Variants in TLK2 observed in about 807,000 individuals in gnomAD.
The protein encoded by TLK2 is tousled like kinase 2.
TLK2 carries 6 observed loss-of-function variants against 117.3 expected under a neutral mutation model. The observed-to-expected ratio is 0.05, with a 90% CI of 0.03 to 0.10. TLK2 has a LOEUF of 0.10. TLK2 is among the 10% of genes least tolerant of loss of function. The pLI, the probability that TLK2 is intolerant of heterozygous loss-of-function variation, is 1.00. For synonymous variants in TLK2, 257 were observed against 316.7 expected (o/e 0.81, Z 2.00); for missense variants, 299 against 901.2 (o/e 0.33, Z 8.56).
At chr17:62,477,325 C>T (rs2071082205), upstream of TLK2, among the ~76,000 whole-genome samples, 1 of 152,142 alleles carries the variant, frequency 6.6e-6, no homozygotes, top group South Asian at 2.1e-4. Context: ...CTTCTTCCAA[C>T]ACTGTTCTCT....
At chr17:62,558,324 G>C (rs1467507899) in intron 9 of TLK2, among the ~76,000 whole-genome samples, 2 of 152,010 alleles carry the variant, frequency 1.3e-5, no homozygotes, top group Admixed American at 6.6e-5. Context: ...CACCACACAT[G>C]GCTAATTTTC....
chr17:62,487,572 T>A (rs186495125), intron 2 of TLK2, among the ~76,000 whole-genome samples: 6 of 150,260 alleles, frequency 4.0e-5, no homozygotes, highest in African/African-American at 1.5e-4. Context: ...AAATTTATGA[T>A]ATTCTTTTAA....
chr17:62,521,762 A>G (rs973430282), intron 3 of TLK2, among the ~76,000 whole-genome samples: 1 of 152,038 alleles, frequency 6.6e-6, no homozygotes, highest in African/African-American at 2.4e-5. Flanking sequence ...CATATAACCT[A>G]GCTGCCTGTA....
chr17:62,536,782 A>G (rs1341408391), intron 7 of TLK2, among the ~76,000 whole-genome samples: 1 of 152,182 alleles, frequency 6.6e-6, no homozygotes, highest in East Asian at 1.9e-4. Flanking sequence ...TACCCCGTGT[A>G]GTATTTGGGC....
At chr17:62,493,555 C>T (rs1345720517) in intron 2 of TLK2, among the ~76,000 whole-genome samples, 1 of 152,184 alleles carries the variant, frequency 6.6e-6, no homozygotes, top group African/African-American at 2.4e-5. Flanking sequence ...TTGTTGACCT[C>T]CTCTCAGGCC....
intron 7 of TLK2, among the ~76,000 whole-genome samples, chr17:62,542,057 G>C (rs953098899): frequency 6.6e-6 from 1 of 152,158 alleles, no homozygotes; most frequent in Admixed American, 6.5e-5. Context: ...ATTAGAAAAA[G>C]GTCATTTCCT....
At chr17:62,540,417 T>TTTTTTTTTTTTTTTTTTTTTC (rs2077446181) in intron 7 of TLK2, among the ~76,000 whole-genome samples, 1 of 109,614 alleles carries the variant, frequency 9.1e-6, no homozygotes, top group Non-Finnish European at 1.9e-5. Flanking sequence ...TTTTTTTTTT[T>TTTTTTTTTTTTTTTTTTTTTC]TTTTTTGAGA....
At chr17:62,493,524 A>G (rs2073329247) in intron 2 of TLK2, among the ~76,000 whole-genome samples, 1 of 152,178 alleles carries the variant, frequency 6.6e-6, no homozygotes, top group Non-Finnish European at 1.5e-5. Context: ...GAATTGTTGG[A>G]TCATATTAAA....
At chr17:62,494,109 A>C (rs1035511350) in intron 2 of TLK2, among the ~76,000 whole-genome samples, 3 of 152,072 alleles carry the variant, frequency 2.0e-5, no homozygotes, top group Admixed American at 6.6e-5. Flanking sequence ...TTTGAGACAG[A>C]GTCTCACTCT....
intron 19 of TLK2, among the ~76,000 whole-genome samples, chr17:62,605,003 C>T (rs956977168): frequency 6.6e-6 from 1 of 151,812 alleles, no homozygotes; most frequent in African/African-American, 2.4e-5. Flanking sequence ...TTATACTTAT[C>T]CAAGATCATA....
In TLK2 at chr17:62,545,692, CTTGTTG is replaced by C. The variant is rs201939423; in HGVS notation, c.532-6592_532-6587del. 2.2e-4 allele frequency among the ~76,000 whole-genome samples: 33 copies of C among 152,032 alleles called. 1 individual carries two copies. The highest frequency in any genetic ancestry group is 9.7e-4 in the East Asian group (5 of 5,164). On this transcript the variant is annotated intron_variant, in intron 7 of 21. Transcript: ENST00000346027. ...CATTTTTTAGGTTAACAAAGTTCCTCTTGTTGTTGTTGTTGTTGTTGTTTAAAGACA... is the reference window on the plus strand; with the variant it reads ...CATTTTTTAGGTTAACAAAGTTCCTCTTGTTGTTGTTGTTGTTTAAAGACA...
chr17:62,565,516 G>A lies in TLK2; in HGVS notation c.968+379G>A, dbSNP rs139732561. On this transcript the variant is annotated intron_variant, in intron 11 of 21. Coordinates refer to ENST00000346027, the MANE Select transcript of TLK2 (RefSeq NM_006852.6). ...AGAAATACAAAAATTAGCCAGGCGT[G>A]GTGGCAGGCGCCTGTAATCCCAGCT... Among the ~76,000 whole-genome samples the A allele has an allele frequency of 8.3e-3, 1,264 of 152,132 alleles. 12 individuals carry two copies. Among genetic ancestry groups the A allele is most frequent in the African/African-American group, 0.028 (1,162 of 41,516 alleles).
Position 62,493,198 on chromosome 17 carries a change from T to C in TLK2, c.81+11992T>C, listed in dbSNP as rs1174023093. ...TCTCTGTGAATTTGACTACTCTAGG[T>C]ACTAATGTGAATGAAATCATAGCAG... is the stretch of plus-strand genomic sequence containing the variant. On this transcript the variant is annotated intron_variant, in intron 2 of 21. Transcript: ENST00000346027. 2.0e-5 allele frequency among the ~76,000 whole-genome samples: 3 copies of C among 152,242 alleles called. No individual in the cohort carries two copies. In the East Asian group the frequency reaches 5.8e-4, roughly 29 times the overall value.
At chr17:62,519,970 TCA>T (rs1224212352) in intron 2 of TLK2, among the ~76,000 whole-genome samples, 1 of 152,222 alleles carries the variant, frequency 6.6e-6, no homozygotes, top group Non-Finnish European at 1.5e-5. Flanking sequence ...CTGAAACTTG[TCA>T]CACTCTTGCA....
rs1453559328 is a variant in TLK2, at chr17:62,606,110, A to G, written c.1860-20A>G. On this transcript the variant is annotated intron_variant, in intron 19 of 21. Coordinates refer to ENST00000346027, the MANE Select transcript of TLK2 (RefSeq NM_006852.6). The stretch of plus-strand genomic sequence containing the variant: ...TATATGATCATTATTCTAATAATTT[A>G]TATTTCTTTTTTGTCCCAGGTATTT... The G allele has an allele frequency of 3.4e-6, 4 of 1,172,314 alleles. No individual in the cohort carries two copies. Among genetic ancestry groups the G allele is most frequent in the Non-Finnish European group, 4.9e-6 (4 of 820,894 alleles). The allele number at this position is 1,172,314 out of a possible 1,614,324, so 72.6% of individuals were successfully genotyped here.
At chr17:62,579,974 C>A in intron 14 of TLK2, 137 bp from the exon 15 acceptor site, 1 of 618,514 alleles carries the variant, frequency 1.6e-6, no homozygotes, top group Non-Finnish European at 2.8e-6. Flanking sequence ...CAGTATTTGC[C>A]ATGTTGATGT....
At position 62,478,919 on chromosome 17, in the gene TLK2, C is replaced by G. The variant is rs1234317210; in HGVS notation, c.-377C>G. ...ACCCCCCCGCCCTCCGCGCCGCACCCGAGTGGCCCCCAGCCGAGCGGGCCC... is the reference window on the plus strand; with the variant it reads ...ACCCCCCCGCCCTCCGCGCCGCACCGGAGTGGCCCCCAGCCGAGCGGGCCC... On this transcript the variant is annotated 5_prime_UTR_variant, in exon 1 of 22. Transcript: ENST00000346027. The G allele has an allele frequency of 1.3e-5, 2 of 151,942 alleles. No homozygotes were observed. Among genetic ancestry groups the G allele is most frequent in the Non-Finnish European group, 2.9e-5 (2 of 68,172 alleles). 9.4% of individuals were successfully genotyped at this position (151,942 alleles called of 1,614,324 possible). A position where few individuals can be genotyped will look rare whatever the true frequency, so the allele number is the denominator to read the frequency against.
chr17:62,602,002 A>G, intron 18 of TLK2, 40 bp from the exon 19 acceptor site: 2 of 1,581,958 alleles, frequency 1.3e-6, no homozygotes, highest in Non-Finnish European at 1.7e-6. Context: ...CTCTTAAATC[A>G]GTAAGTCTCT....
intron 1 of TLK2, among the ~76,000 whole-genome samples, chr17:62,473,101 G>A (rs1318508421): frequency 6.6e-6 from 1 of 152,102 alleles, no homozygotes; most frequent in Non-Finnish European, 1.5e-5. Flanking sequence ...GTGTGTTTGC[G>A]TACAGGCTGT....
Sources: gnomAD v4.1 joint callset for allele counts (sites outside exome capture counted in the v4.1 genomes callset) on GRCh38, gnomAD v4.1.1 for gene constraint, MANE v1.5 for transcripts, NCBI Gene and HGNC (gene_info 2026-07-23, HGNC 2026-07-21) for gene names.